RTRAF: variants seen among roughly 807,000 people sequenced by gnomAD.
RTRAF encodes the protein tRNA-splicing ligase complex subunit RTRAF.
A neutral mutation model predicts 34.4 loss-of-function variants in RTRAF; 14 were observed. The observed-to-expected ratio is 0.41, with a 90% confidence interval of 0.27 to 0.64. The LOEUF is 0.64. RTRAF is among the 30% of genes least tolerant of loss of function. RTRAF has a pLI of 0.34. For missense variants in RTRAF, 291 were observed against 288.4 expected (o/e 1.01, Z -0.06); for synonymous variants, 96 against 95.3 (o/e 1.01, Z -0.04).
Position 52,004,597 on chromosome 14 carries a change from C to T in RTRAF, c.*81C>T. ...CTGGCATGTTTGGAAATCAAAATGT[C>T]ACATTCTCGGGGGAGGAAGCCCAGA... is the stretch of plus-strand genomic sequence containing the variant. On this transcript the variant is annotated 3_prime_UTR_variant, in exon 8 of 8. Coordinates refer to ENST00000261700, the MANE Select transcript of RTRAF (RefSeq NM_016039.3). The T allele has an allele frequency of 7.2e-7, 1 of 1,384,348 alleles. No homozygotes were observed. Among genetic ancestry groups the T allele is most frequent in the South Asian group, 1.5e-5 (1 of 65,234 alleles). 85.8% of individuals were successfully genotyped at this position (1,384,348 alleles called of 1,614,324 possible). A position where few individuals can be genotyped will look rare whatever the true frequency, so the allele number is the denominator to read the frequency against.
Position 52,006,766 on chromosome 14 carries a change from A to G in RTRAF, c.*2250A>G. On this transcript the variant is annotated 3_prime_UTR_variant, in exon 8 of 8. Coordinates refer to ENST00000261700, the MANE Select transcript of RTRAF (RefSeq NM_016039.3). ...ATAGAATGGGGAAATAGGATATTTT[A>G]CTTCCATTACAGTCATAGATTAGCA... 1 of 1,245,268 alleles carries G rather than the reference A, an allele frequency of 8.0e-7. No homozygotes were observed. 77.1% of individuals were successfully genotyped at this position (1,245,268 alleles called of 1,614,324 possible). A position where few individuals can be genotyped will look rare whatever the true frequency, so the allele number is the denominator to read the frequency against.
At position 52,010,435 on chromosome 14, in the gene RTRAF, A is replaced by T. The variant is rs1004695101; in HGVS notation, c.*5919A>T. 1.3e-5 allele frequency: 2 copies of T among 156,044 alleles called. No homozygotes were observed. The highest frequency in any genetic ancestry group is 4.8e-5 in the African/African-American group (2 of 41,540). 9.7% of individuals were successfully genotyped at this position (156,044 alleles called of 1,614,324 possible). ...TCTGCTACAGCAACACTGAAGCCAG[A>T]GGTGTCTGAGCTTTGGCTAATGTCA... On this transcript the variant is annotated 3_prime_UTR_variant, in exon 8 of 8. Transcript: ENST00000261700.
intron 5 of RTRAF, among the ~76,000 whole-genome samples, chr14:52,000,177 C>T (rs1364522608): frequency 1.3e-5 from 2 of 152,072 alleles, no homozygotes; most frequent in East Asian, 1.9e-4. Flanking sequence ...CCACATTACC[C>T]TACTTCTGTT....
Position 52,006,341 on chromosome 14 carries a change from GTAAAAGGATGATTTCAAAAACA to G in RTRAF, c.*1827_*1848del. On this transcript the variant is annotated 3_prime_UTR_variant, in exon 8 of 8. Transcript: ENST00000261700. Reference sequence around the variant, plus strand: ...CAATACCATTCGATTTCTGGGTGAAGTAAAAGGATGATTTCAAAAACATGAAAGGATGAAAAACATCCTTGAA... The same window carrying G: ...CAATACCATTCGATTTCTGGGTGAAGTGAAAGGATGAAAAACATCCTTGAA... The G allele has an allele frequency of 3.5e-6, 2 of 576,210 alleles. No homozygotes were observed. 35.7% of individuals were successfully genotyped at this position (576,210 alleles called of 1,614,324 possible). A position where few individuals can be genotyped will look rare whatever the true frequency, so the allele number is the denominator to read the frequency against.
chr14:52,009,017 G>T lies in RTRAF; in HGVS notation c.*4501G>T, dbSNP rs1009352542. 6.6e-6 allele frequency: 1 copy of T among 152,190 alleles called. No individual in the cohort carries two copies. Among genetic ancestry groups the T allele is most frequent in the Admixed American group, 6.5e-5 (1 of 15,282 alleles). 9.4% of individuals were successfully genotyped at this position (152,190 alleles called of 1,614,324 possible). A position where few individuals can be genotyped will look rare whatever the true frequency, so the allele number is the denominator to read the frequency against. On this transcript the variant is annotated 3_prime_UTR_variant, in exon 8 of 8. Transcript: ENST00000261700. The stretch of plus-strand genomic sequence containing the variant: ...TTATCGTTAGAGCAGAAATAATGTT[G>T]AAAGCACTTTTTATAAAATACTATT...
rs1209938724 is a variant in RTRAF at position 52,008,151 on chromosome 14, C to CT, written c.*3636dup. 1 of 492,244 alleles carries CT rather than the reference C, an allele frequency of 2.0e-6. No homozygotes were observed. The highest frequency in any genetic ancestry group is 3.5e-6 in the Non-Finnish European group (1 of 282,900). 30.5% of individuals were successfully genotyped at this position (492,244 alleles called of 1,614,324 possible). ...CATAGAGTATAGCAGAAGTGATAGG[C>CT]TATCACTGCCGATATTCGGTCTCAA... is the stretch of plus-strand genomic sequence containing the variant. On this transcript the variant is annotated 3_prime_UTR_variant, in exon 8 of 8. Coordinates refer to ENST00000261700, the MANE Select transcript of RTRAF (RefSeq NM_016039.3).
In RTRAF at chr14:52,004,421, G is replaced by A; in HGVS notation, c.640G>A (p.Glu214Lys). The A allele has an allele frequency of 1.2e-6, 2 of 1,613,996 alleles. No individual in the cohort carries two copies. Among genetic ancestry groups the A allele is most frequent in the Non-Finnish European group, 1.7e-6 (2 of 1,179,904 alleles). Residue 214 changes from glutamate to lysine, a missense_variant, in exon 8 of 8, where the codon GAG (glutamate) becomes AAG (lysine). Physicochemically the swap from Glu to Lys is moderately conservative, Grantham distance 56 (BLOSUM62 1). Transcript: ENST00000261700. ...ATTGCTGCACATAGAGGAGCTCAGA[G>A]AGCTACAGACAAAAATCAACGAAGC... ...LRLLHIEELR[E>K]LQTKINEAIV...
intron 3 of RTRAF, among the ~76,000 whole-genome samples, chr14:51,995,498 T>A (rs1208786654): frequency 6.6e-6 from 1 of 152,080 alleles, no homozygotes; most frequent in African/African-American, 2.4e-5. Context: ...GATCCTTAAT[T>A]TTATCATATT....
chr14:51,990,167 G>A (rs1387858825), intron 1 of RTRAF, among the ~76,000 whole-genome samples: 1 of 152,166 alleles, frequency 6.6e-6, no homozygotes, highest in Non-Finnish European at 1.5e-5. Flanking sequence ...AACCCACTGA[G>A]CAGTTTGAGA....
At chr14:51,990,996 T>C (rs558890607) in intron 1 of RTRAF, among the ~76,000 whole-genome samples, 1 of 152,312 alleles carries the variant, frequency 6.6e-6, no homozygotes, top group Non-Finnish European at 1.5e-5. Flanking sequence ...TAAAACAACT[T>C]CTTTTAATCT....
At chr14:52,003,429 T>C (rs1890639941) in intron 6 of RTRAF, among the ~76,000 whole-genome samples, 1 of 152,142 alleles carries the variant, frequency 6.6e-6, no homozygotes, top group Non-Finnish European at 1.5e-5. Context: ...TTTACATTAC[T>C]AGATAAGGCA....
At position 52,003,905 on chromosome 14, in the gene RTRAF, T is replaced by C. The variant is rs112882472; in HGVS notation, c.532-289T>C. 3.1e-3 allele frequency: 1,099 copies of C among 354,878 alleles called. 10 individuals carry two copies. Among genetic ancestry groups the C allele is most frequent in the African/African-American group, 0.021 (1,017 of 47,424 alleles). The allele number at this position is 354,878 out of a possible 1,614,324, so 22.0% of individuals were successfully genotyped here. A position where few individuals can be genotyped will look rare whatever the true frequency, so the allele number is the denominator to read the frequency against. ...TTCCATAGCAGTAATGACAAGGCAC[T>C]GCTGCAATAAGGATATATTGTTTTG... On this transcript the variant is annotated intron_variant, in intron 6 of 7. Transcript: ENST00000261700.
chr14:51,997,082 A>T (rs1274860393), intron 3 of RTRAF, among the ~76,000 whole-genome samples: 1 of 151,968 alleles, frequency 6.6e-6, no homozygotes, highest in Non-Finnish European at 1.5e-5. Flanking sequence ...TCCCATTACT[A>T]GTTATGTTAC....
intron 3 of RTRAF, among the ~76,000 whole-genome samples, chr14:51,994,727 A>G (rs1468608666): frequency 2.6e-5 from 4 of 152,174 alleles, no homozygotes; most frequent in African/African-American, 7.2e-5. Flanking sequence ...ATAAACATAC[A>G]TATCCATAAA....
chr14:52,005,374 C>T lies in RTRAF; in HGVS notation c.*858C>T. On this transcript the variant is annotated 3_prime_UTR_variant, in exon 8 of 8. Coordinates refer to ENST00000261700, the MANE Select transcript of RTRAF (RefSeq NM_016039.3). The stretch of plus-strand genomic sequence containing the variant: ...CTACAAAATGTTCATCTTGGATGCT[C>T]AGGAACGTCTAATGGCCAATTCCTT... 1 of 1,031,220 alleles carries T rather than the reference C, an allele frequency of 9.7e-7. No individual in the cohort carries two copies. Among genetic ancestry groups the T allele is most frequent in the Non-Finnish European group, 1.4e-6 (1 of 739,214 alleles). 63.9% of individuals were successfully genotyped at this position (1,031,220 alleles called of 1,614,324 possible).
At chr14:52,000,632 C>G (rs1281484673) in intron 5 of RTRAF, among the ~76,000 whole-genome samples, 1 of 152,128 alleles carries the variant, frequency 6.6e-6, no homozygotes, top group Non-Finnish European at 1.5e-5. Context: ...TTTAACAAGA[C>G]TGTTGTATTC....
chr14:52,002,035 G>A (rs1890609032), intron 6 of RTRAF, 169 bp downstream of exon 6: 2 of 604,116 alleles, frequency 3.3e-6, no homozygotes, highest in Non-Finnish European at 5.6e-6. Context: ...GTATTCAGTG[G>A]CTAGGGGGTC....
At chr14:51,990,936 G>T (rs535697642) in intron 1 of RTRAF, among the ~76,000 whole-genome samples, 48 of 152,092 alleles carry the variant, frequency 3.2e-4, no homozygotes, top group Non-Finnish European at 6.3e-4. Flanking sequence ...AAAACTATGT[G>T]CCAGGCACTG....
Position 52,006,687 on chromosome 14 carries a change from G to C in RTRAF, c.*2171G>C. 1 of 1,611,860 alleles carries C rather than the reference G, an allele frequency of 6.2e-7. No individual in the cohort carries two copies. The highest frequency in any genetic ancestry group is 2.2e-5 in the East Asian group (1 of 44,826). On this transcript the variant is annotated 3_prime_UTR_variant, in exon 8 of 8. Coordinates refer to ENST00000261700, the MANE Select transcript of RTRAF (RefSeq NM_016039.3). ...TTTTAAAACAAAGGGGGAAAATGAG[G>C]TCCTTCAGCTGCTTTGCCAAAAATG...
Sources: gnomAD v4.1 joint callset for allele counts (sites outside exome capture counted in the v4.1 genomes callset) on GRCh38, gnomAD v4.1.1 for gene constraint, MANE v1.5 for transcripts, NCBI Gene and HGNC (gene_info 2026-07-23, HGNC 2026-07-21) for gene names.